Variants in GRIK2 observed in about 807,000 individuals in gnomAD.
GRIK2 encodes the protein glutamate ionotropic receptor kainate type subunit 2.
A neutral mutation model predicts 100.3 loss-of-function variants in GRIK2; 32 were observed. That is an observed-to-expected ratio of 0.32 (90% CI 0.24 to 0.43). The LOEUF is 0.43. GRIK2 is among the 20% of genes least tolerant of loss of function. GRIK2 has a pLI of 1.00. For synonymous variants in GRIK2, 417 were observed against 389.4 expected, an observed-to-expected ratio of 1.07 and a Z score of -0.83; for missense variants, 843 against 1,114.9, an observed-to-expected ratio of 0.76 and a Z score of 3.47.
At chr6:101,977,586 C>A (rs147292554) in intron 14 of GRIK2, among the ~76,000 whole-genome samples, 2 of 151,914 alleles carry the variant, frequency 1.3e-5, no homozygotes, top group Admixed American at 1.3e-4. Context: ...TTATAGACCT[C>A]ACCATATTTA....
chr6:101,995,031 A>G (rs1179734174), intron 14 of GRIK2, among the ~76,000 whole-genome samples: 1 of 151,896 alleles, frequency 6.6e-6, no homozygotes, highest in African/African-American at 2.4e-5. Context: ...ATAGATTCTT[A>G]TTATTTTATC....
intron 4 of GRIK2, among the ~76,000 whole-genome samples, chr6:101,629,915 G>A (rs770881358): frequency 6.6e-6 from 1 of 151,956 alleles, no homozygotes; most frequent in Non-Finnish European, 1.5e-5. Flanking sequence ...CTAGATTTAT[G>A]TACGTATGTA....
At chr6:101,797,780 TTACA>T (rs921171534) in intron 7 of GRIK2, among the ~76,000 whole-genome samples, 47 of 147,048 alleles carry the variant, frequency 3.2e-4, no homozygotes, top group African/African-American at 1.0e-3. Context: ...ATATTATATA[TTACA>T]TACTATATAT....
intron 2 of GRIK2, among the ~76,000 whole-genome samples, chr6:101,482,621 G>C (rs890098320): frequency 6.6e-6 from 1 of 152,150 alleles, no homozygotes; most frequent in African/African-American, 2.4e-5. Context: ...TAAAATGTGT[G>C]TGTAGAGTAG....
At position 102,007,681 on chromosome 6, in the gene GRIK2, G is replaced by A. The variant is rs1040181520; in HGVS notation, c.2086-27660G>A. 4.3e-4 allele frequency among the ~76,000 whole-genome samples: 66 copies of A among 152,128 alleles called. 1 individual carries two copies. The highest frequency in any genetic ancestry group is 1.6e-3 in the African/African-American group (66 of 41,542). On this transcript the variant is annotated intron_variant, in intron 14 of 16. Coordinates refer to ENST00000369134, the MANE Select transcript of GRIK2 (RefSeq NM_021956.5). Reference sequence around the variant, plus strand: ...AAAAATTTTCATATTAGATGATAGTGGTGGAGGAAAGTAAAAAAGGGTAAT... The same window carrying A: ...AAAAATTTTCATATTAGATGATAGTAGTGGAGGAAAGTAAAAAAGGGTAAT...
chr6:101,492,869 A>G (rs1025462113), intron 2 of GRIK2, among the ~76,000 whole-genome samples: 8 of 152,018 alleles, frequency 5.3e-5, no homozygotes, highest in Non-Finnish European at 1.2e-4. Context: ...AAAAACAAAT[A>G]TGTTTATCAT....
chr6:101,840,801 G>T (rs540268389), intron 10 of GRIK2, among the ~76,000 whole-genome samples: 1 of 152,024 alleles, frequency 6.6e-6, no homozygotes, highest in African/African-American at 2.4e-5. Context: ...CAAACAAAAA[G>T]CATGAATTTA....
At chr6:101,575,922 C>T (rs1483193037) in intron 2 of GRIK2, among the ~76,000 whole-genome samples, 1 of 152,010 alleles carries the variant, frequency 6.6e-6, no homozygotes, top group East Asian at 1.9e-4. Flanking sequence ...CACCTCATCA[C>T]CCCATGTTCT....
At chr6:101,866,876 C>CTAA (rs1346784949) in intron 11 of GRIK2, among the ~76,000 whole-genome samples, 1 of 151,242 alleles carries the variant, frequency 6.6e-6, no homozygotes, top group East Asian at 1.9e-4. Flanking sequence ...TTTTCCCCAG[C>CTAA]TAAGACTTTA....
At chr6:101,791,156 C>G (rs1239966829) in intron 7 of GRIK2, among the ~76,000 whole-genome samples, 2 of 152,100 alleles carry the variant, frequency 1.3e-5, no homozygotes, top group Non-Finnish European at 2.9e-5. Context: ...TTCAAAAAAC[C>G]AGCTCCTGGA....
intron 10 of GRIK2, among the ~76,000 whole-genome samples, chr6:101,856,948 G>A (rs1275999149): frequency 6.6e-6 from 1 of 152,044 alleles, no homozygotes. Flanking sequence ...TGAAAAAAGA[G>A]CAAAATTACC....
chr6:101,885,407 G>A (rs1582455867), intron 11 of GRIK2, among the ~76,000 whole-genome samples: 3 of 152,098 alleles, frequency 2.0e-5, no homozygotes, highest in East Asian at 3.9e-4. Context: ...AAAAATAGTG[G>A]GAAATGAGCA....
chr6:101,685,251 A>G (rs1399371385), intron 6 of GRIK2, among the ~76,000 whole-genome samples: 1 of 152,136 alleles, frequency 6.6e-6, no homozygotes, highest in African/African-American at 2.4e-5. Context: ...ATAAAAACCT[A>G]AAGATTCCTA....
At chr6:101,627,229 C>T (rs556623876) in intron 4 of GRIK2, among the ~76,000 whole-genome samples, 1 of 151,796 alleles carries the variant, frequency 6.6e-6, no homozygotes, top group African/African-American at 2.4e-5. Flanking sequence ...GCAACCTCTG[C>T]CTCCCAGGTT....
intron 15 of GRIK2, among the ~76,000 whole-genome samples, chr6:102,052,639 G>A (rs1373582347): frequency 6.6e-6 from 1 of 152,132 alleles, no homozygotes; most frequent in South Asian, 2.1e-4. Context: ...ATAGTGAGTT[G>A]GCAATAATAT....
At chr6:102,043,335 C>G (rs374000088) in intron 15 of GRIK2, among the ~76,000 whole-genome samples, 13 of 151,830 alleles carry the variant, frequency 8.6e-5, no homozygotes, top group African/African-American at 3.1e-4. Flanking sequence ...TACACTGTTA[C>G]TAATTATATT....
intron 2 of GRIK2, among the ~76,000 whole-genome samples, chr6:101,618,390 A>T (rs1779996774): frequency 6.6e-6 from 1 of 151,784 alleles, no homozygotes; most frequent in East Asian, 1.9e-4. Context: ...CTAGAATTCA[A>T]AATGCATTCT....
intron 10 of GRIK2, among the ~76,000 whole-genome samples, chr6:101,835,086 T>A (rs1782980980): frequency 6.6e-6 from 1 of 152,210 alleles, no homozygotes; most frequent in South Asian, 2.1e-4. Flanking sequence ...AATAAGTATC[T>A]TTAAATGAAG....
At chr6:101,702,983 A>G (rs573340837) in intron 7 of GRIK2, among the ~76,000 whole-genome samples, 2 of 152,002 alleles carry the variant, frequency 1.3e-5, no homozygotes, top group Admixed American at 6.6e-5. Context: ...TGAATTGCCT[A>G]TTAGATATCC....
Sources: allele counts gnomAD v4.1 joint callset (sites outside exome capture counted in the v4.1 genomes callset), GRCh38; gene constraint gnomAD v4.1.1; transcripts MANE v1.5; gene names NCBI Gene and HGNC (gene_info 2026-07-23, HGNC 2026-07-21).